SIK3: variants seen among roughly 807,000 people sequenced by gnomAD.
SIK3 encodes the protein SIK family kinase 3.
A neutral mutation model predicts 144.2 loss-of-function variants in SIK3; 28 were observed. The observed-to-expected ratio is 0.19, with a 90% CI of 0.14 to 0.27. The LOEUF (loss-of-function observed/expected upper bound fraction) is 0.27, where lower values mean the gene tolerates loss of function less well. Ranked by LOEUF, SIK3 falls within the 10% of genes least tolerant of loss-of-function variation. The probability of loss-of-function intolerance (pLI) is 1.00; values close to 1 mark genes in which losing one functional copy is unlikely to be tolerated. For missense variants in SIK3, 1,319 were observed against 1,776.0 expected, an observed-to-expected ratio of 0.74 and a Z score of 4.62; for synonymous variants, 686 against 676.3, an observed-to-expected ratio of 1.01 and a Z score of -0.22.
At chr11:116,892,591 C>A (rs977098005) in intron 6 of SIK3, among the ~76,000 whole-genome samples, 4 of 152,186 alleles carry the variant, frequency 2.6e-5, no homozygotes, top group African/African-American at 7.2e-5. Flanking sequence ...GGATGTGGCG[C>A]AGCAGAAGCT....
chr11:116,995,079 G>A (rs1458490739), intron 1 of SIK3, among the ~76,000 whole-genome samples: 1 of 151,784 alleles, frequency 6.6e-6, no homozygotes, highest in African/African-American at 2.4e-5. Flanking sequence ...ACCAGCCTGG[G>A]CAACATAGTG....
intron 4 of SIK3, chr11:116,905,148 T>C (rs1021390868): frequency 6.5e-6 from 1 of 155,038 alleles, no homozygotes; most frequent in African/African-American, 2.4e-5. Flanking sequence ...GGCTTTCTAC[T>C]TTCTGTCTCT....
At chr11:116,998,095 C>T (rs1450979265) in intron 1 of SIK3, among the ~76,000 whole-genome samples, 1 of 151,858 alleles carries the variant, frequency 6.6e-6, no homozygotes, top group African/African-American at 2.4e-5. Flanking sequence ...CTCAAGTGAT[C>T]CTCCTGCCTC....
At chr11:116,863,009 C>T (rs961891968) in intron 16 of SIK3, among the ~76,000 whole-genome samples, 2 of 150,678 alleles carry the variant, frequency 1.3e-5, no homozygotes, top group South Asian at 2.1e-4. Flanking sequence ...AGGAGGCGGA[C>T]GATGCAGTGA....
chr11:116,992,328 A>G (rs1260798681), intron 1 of SIK3, among the ~76,000 whole-genome samples: 2 of 128,472 alleles, frequency 1.6e-5, no homozygotes, highest in East Asian at 2.2e-4. Context: ...CCCCCCCCCA[A>G]AAAAAAACAC....
intron 3 of SIK3, among the ~76,000 whole-genome samples, chr11:116,949,957 A>T (rs7940300): frequency 0.073 from 11,155 of 152,110 alleles, 739 homozygotes; most frequent in African/African-American, 0.18. Flanking sequence ...GGACAACAGC[A>T]AACTTCTCTG....
chr11:117,014,301 C>A (rs1008850328), intron 1 of SIK3, among the ~76,000 whole-genome samples: 1 of 151,996 alleles, frequency 6.6e-6, no homozygotes, highest in Non-Finnish European at 1.5e-5. Context: ...TATTTGTTTA[C>A]TAATTACATA....
chr11:116,914,210 T>A (rs1946493143), intron 4 of SIK3, among the ~76,000 whole-genome samples: 1 of 132,840 alleles, frequency 7.5e-6, no homozygotes, highest in South Asian at 2.1e-4. Context: ...TTCTCAATTT[T>A]TTTTTTTTTT....
intron 1 of SIK3, among the ~76,000 whole-genome samples, chr11:116,989,478 A>G (rs1451247580): frequency 6.6e-6 from 1 of 152,170 alleles, no homozygotes; most frequent in Non-Finnish European, 1.5e-5. Flanking sequence ...TCTAAATCCC[A>G]AGAGCAAACA....
chr11:116,857,761 T>G, intron 21 of SIK3, 49 bp downstream of exon 21: 56 of 1,584,196 alleles, frequency 3.5e-5, no homozygotes, highest in Non-Finnish European at 4.8e-5. Context: ...ACTGAGTCAG[T>G]TGATTAGGGC....
At chr11:117,076,761 T>C (rs1193576382) in intron 1 of SIK3, among the ~76,000 whole-genome samples, 2 of 152,146 alleles carry the variant, frequency 1.3e-5, no homozygotes, top group Non-Finnish European at 2.9e-5. Flanking sequence ...CAGGCTGGTC[T>C]TGAACTCCTG....
intron 4 of SIK3, among the ~76,000 whole-genome samples, chr11:116,915,301 G>A (rs760590530): frequency 1.1e-4 from 16 of 152,084 alleles, no homozygotes; most frequent in African/African-American, 2.2e-4. Context: ...CATGAACCAC[G>A]GCACCTGGCT....
rs752642003 is a variant in SIK3 at position 116,920,158 on chromosome 11, C to CT, written c.616+7060dup. Among the ~76,000 whole-genome samples, 487 of 141,936 alleles carry CT rather than the reference C, an allele frequency of 3.4e-3. 2 individuals are homozygous for CT. Among genetic ancestry groups the CT allele is most frequent in the South Asian group, 5.7e-3 (25 of 4,372 alleles). 93.1% of individuals were successfully genotyped at this position (141,936 alleles called of 152,430 possible). A position where few individuals can be genotyped will look rare whatever the true frequency, so the allele number is the denominator to read the frequency against. ...CTTCCCTTCCACTGAGCTGCTCACC[C>CT]TTTTTTTTTTTTTTTCAAATAGACC... On this transcript the variant is annotated intron_variant, in intron 4 of 24. Coordinates refer to ENST00000445177, the MANE Select transcript of SIK3 (RefSeq NM_001366686.3).
In SIK3 at chr11:116,933,732, C is replaced by T. The variant is rs191135908; in HGVS notation, c.455-6352G>A. Reference sequence around the variant, plus strand: ...CATGGCTCATTGTAGCCTCAAACTCCTACACTCAAACAATTAAGTCTGCAT... The same window carrying T: ...CATGGCTCATTGTAGCCTCAAACTCTTACACTCAAACAATTAAGTCTGCAT... On this transcript the variant is annotated intron_variant, in intron 3 of 24. Transcript: ENST00000445177. 2.0e-4 allele frequency among the ~76,000 whole-genome samples: 31 copies of T among 152,214 alleles called. No individual in the cohort carries two copies. The East Asian group carries it at 5.0e-3, about 25-fold the overall frequency.
chr11:116,943,761 T>G (rs1194016662), intron 3 of SIK3, among the ~76,000 whole-genome samples: 1 of 152,116 alleles, frequency 6.6e-6, no homozygotes, highest in East Asian at 1.9e-4. Context: ...TATGGCCACA[T>G]CTTGAACTTG....
intron 4 of SIK3, among the ~76,000 whole-genome samples, chr11:116,899,216 T>A (rs1242161072): frequency 1.3e-5 from 2 of 152,112 alleles, no homozygotes; most frequent in East Asian, 3.9e-4. Flanking sequence ...CAGCACCATT[T>A]ATTAAATAGG....
intron 1 of SIK3, among the ~76,000 whole-genome samples, chr11:116,992,124 G>C (rs1315723365): frequency 6.6e-6 from 1 of 152,038 alleles, no homozygotes; most frequent in Non-Finnish European, 1.5e-5. Context: ...AGGAGTTCGA[G>C]ACCAGCTTGG....
intron 21 of SIK3, among the ~76,000 whole-genome samples, chr11:116,854,554 T>C (rs1235177079): frequency 6.6e-6 from 1 of 152,138 alleles, no homozygotes; most frequent in Non-Finnish European, 1.5e-5. Context: ...CAGGTTATCC[T>C]TTCATCTCTG....
In SIK3 at chr11:116,847,513, G is replaced by A; in HGVS notation, c.3915C>T (p.Leu1305=). ...MSDAVLSQSS[L]MGSQQFQDGE... ...CATCCTGAAACTGCTGGCTGCCCAT[G>A]AGCGAAGACTGACTGAGAACTGCAT... The change falls in exon 23 of 25, where the codon CTC becomes CTT. Residue 1305 remains leucine (L), a synonymous_variant. Transcript: ENST00000445177. The A allele has an allele frequency of 1.2e-6, 2 of 1,614,192 alleles. No individual in the cohort carries two copies. The highest frequency in any genetic ancestry group is 1.7e-6 in the Non-Finnish European group (2 of 1,180,030).
Sources: gnomAD v4.1 joint callset for allele counts (sites outside exome capture counted in the v4.1 genomes callset) on GRCh38, gnomAD v4.1.1 for gene constraint, MANE v1.5 for transcripts, NCBI Gene and HGNC (gene_info 2026-07-23, HGNC 2026-07-21) for gene names.